The following PAPOLA variants were observed in gnomAD, a reference collection of about 807,000 sequenced individuals.
PAPOLA encodes poly(A) polymerase alpha.
Under a neutral mutation model 100.6 loss-of-function variants are expected in PAPOLA, and 15 were observed. The observed-to-expected ratio is 0.15, with a 90% confidence interval of 0.10 to 0.23. The LOEUF (loss-of-function observed/expected upper bound fraction) is 0.23, where lower values mean the gene tolerates loss of function less well. Ranked by LOEUF, PAPOLA falls within the 10% of genes least tolerant of loss-of-function variation. The pLI is 1.00. For missense variants in PAPOLA, 533 were observed against 884.2 expected (o/e 0.60, Z 5.04); for synonymous variants, 293 against 300.0 (o/e 0.98, Z 0.24).
intron 3 of PAPOLA, among the ~76,000 whole-genome samples, chr14:96,523,933 G>A (rs1898237282): frequency 6.7e-6 from 1 of 148,396 alleles, no homozygotes; most frequent in African/African-American, 2.5e-5. Flanking sequence ...GACAGAGCGA[G>A]ACTCTGTCTC....
intron 13 of PAPOLA, chr14:96,542,537 C>CT (rs1900078475): frequency 3.7e-6 from 2 of 544,342 alleles, no homozygotes; most frequent in Admixed American, 7.5e-5. Flanking sequence ...TTAAAGTGCA[C>CT]TTATAGCTTG....
chr14:96,544,559 T>C (rs1271611819), intron 15 of PAPOLA, among the ~76,000 whole-genome samples: 1 of 152,066 alleles, frequency 6.6e-6, no homozygotes, highest in Non-Finnish European at 1.5e-5. Context: ...TTCCTTTAAG[T>C]ATCATGTTGG....
intron 12 of PAPOLA, among the ~76,000 whole-genome samples, chr14:96,539,436 T>G (rs191969427): frequency 8.5e-5 from 13 of 152,260 alleles, no homozygotes; most frequent in Admixed American, 8.5e-4. Flanking sequence ...AGAGATTCAC[T>G]TAGAGAATTT....
intron 3 of PAPOLA, among the ~76,000 whole-genome samples, chr14:96,525,043 C>A (rs1178733732): frequency 6.6e-6 from 1 of 152,186 alleles, no homozygotes; most frequent in Admixed American, 6.5e-5. Context: ...TTCTCAATCA[C>A]AGTCTTCTTT....
In PAPOLA at chr14:96,539,313, C is replaced by A. The variant is rs112894762; in HGVS notation, c.1115+2253C>A. On this transcript the variant is annotated intron_variant, in intron 12 of 21. Transcript: ENST00000216277. Reference sequence around the variant, plus strand: ...AAAAGTTAAAAACAGGAAACTAAATCTTGGTCTTGAATTACGTAAACATAG... The same window carrying A: ...AAAAGTTAAAAACAGGAAACTAAATATTGGTCTTGAATTACGTAAACATAG... Among the ~76,000 whole-genome samples, 472 of 152,150 alleles carry A rather than the reference C, an allele frequency of 3.1e-3. 2 individuals carry two copies. The highest frequency in any genetic ancestry group is 0.01 in the African/African-American group (424 of 41,550).
intron 4 of PAPOLA, chr14:96,527,197 C>T (rs1898565398): frequency 2.2e-6 from 1 of 463,726 alleles, no homozygotes; most frequent in African/African-American, 2.0e-5. Context: ...TCTTTGGGCT[C>T]CCAGTTTACT....
chr14:96,560,733 AATAC>A, intron 20 of PAPOLA, 22 bp downstream of exon 20: 1 of 1,378,736 alleles, frequency 7.3e-7, no homozygotes, highest in South Asian at 1.2e-5. Context: ...TAGCCTTTAG[AATAC>A]ATACACAATT....
intron 17 of PAPOLA, among the ~76,000 whole-genome samples, chr14:96,554,964 G>T (rs896862951): frequency 3.3e-5 from 5 of 152,020 alleles, no homozygotes; most frequent in Non-Finnish European, 5.9e-5. Context: ...GTGGCTTTTG[G>T]TTGGTTGTTA....
chr14:96,562,556 G>A (rs764464672), intron 20 of PAPOLA: 7 of 253,704 alleles, frequency 2.8e-5, no homozygotes, highest in Admixed American at 2.0e-4. Flanking sequence ...AATGTCCCAA[G>A]TTGGAGCTGG....
chr14:96,542,273 A>G lies in PAPOLA; in HGVS notation c.1146A>G (p.Pro382=). 6.2e-7 allele frequency: 1 copy of G among 1,602,224 alleles called. No homozygotes were observed. Among genetic ancestry groups the G allele is most frequent in the Non-Finnish European group, 8.5e-7 (1 of 1,169,654 alleles). The change falls in exon 13 of 22, where the codon CCA becomes CCG. Residue 382 remains proline (P), a synonymous_variant. Coordinates refer to ENST00000216277, the MANE Select transcript of PAPOLA (RefSeq NM_032632.5). ...KHYIVLLASA[P]TEKQRLEWVG... is the part of the protein sequence containing the mutation. ...ATATTGTACTTCTAGCAAGTGCACC[A>G]ACAGAAAAACAACGCCTGGAATGGT...
At chr14:96,559,377 T>C (rs1005644039) in intron 19 of PAPOLA, among the ~76,000 whole-genome samples, 1 of 151,976 alleles carries the variant, frequency 6.6e-6, no homozygotes, top group African/African-American at 2.4e-5. Flanking sequence ...AATACTGGCC[T>C]CACTCAGTAA....
chr14:96,543,795 TC>T (rs1401164297), intron 14 of PAPOLA, among the ~76,000 whole-genome samples: 2 of 152,066 alleles, frequency 1.3e-5, no homozygotes, highest in East Asian at 3.8e-4. Flanking sequence ...TTTAGAAAAA[TC>T]CTTTTTTTCC....
Position 96,536,977 on chromosome 14 carries a change from T to C in PAPOLA, c.1032T>C (p.Gly344=). 6.4e-7 allele frequency: 1 copy of C among 1,568,072 alleles called. No homozygotes were observed. Among genetic ancestry groups the C allele is most frequent in the Non-Finnish European group, 8.8e-7 (1 of 1,138,448 alleles). The stretch of plus-strand genomic sequence containing the variant: ...CATTTTAATATGTTTTTAATTTAGG[T>C]CTTGCTATCACAGATGAAATTTTGC... ...RMVMVEEFKQ[G]LAITDEILLS... The change falls in exon 12 of 22, where the codon GGT becomes GGC. Residue 344 remains glycine, a splice_region_variant and synonymous_variant. Coordinates refer to ENST00000216277, the MANE Select transcript of PAPOLA (RefSeq NM_032632.5).
intron 1 of PAPOLA, among the ~76,000 whole-genome samples, chr14:96,514,474 C>A (rs1038824434): frequency 5.3e-5 from 8 of 152,172 alleles, no homozygotes; most frequent in African/African-American, 1.9e-4. Context: ...TGCCACCACG[C>A]CCAGCCTATT....
Position 96,502,573 on chromosome 14 carries a change from C to A in PAPOLA, c.-20C>A. 6.4e-7 allele frequency: 1 copy of A among 1,550,428 alleles called. No homozygotes were observed. Among genetic ancestry groups the A allele is most frequent in the African/African-American group, 1.4e-5 (1 of 71,564 alleles). On this transcript the variant is annotated 5_prime_UTR_variant, in exon 1 of 22. Coordinates refer to ENST00000216277, the MANE Select transcript of PAPOLA (RefSeq NM_032632.5). ...CGGTTGCGGGGGGGAAGTGACTGGG[C>A]GGTGCCGGCGCCGGAGACGATGCCG...
chr14:96,507,280 G>GTTTTTTGTTTTTTT (rs1413020909), intron 1 of PAPOLA, among the ~76,000 whole-genome samples: 3 of 80,718 alleles, frequency 3.7e-5, no homozygotes, highest in Admixed American at 1.7e-4. Flanking sequence ...TTGGAAAATA[G>GTTTTTTGTTTTTTT]TTTTTTTTTT....
At chr14:96,564,496 A>G (rs1378438329) in intron 21 of PAPOLA, among the ~76,000 whole-genome samples, 4 of 152,200 alleles carry the variant, frequency 2.6e-5, no homozygotes, top group South Asian at 2.1e-4. Context: ...AGCTGTATAT[A>G]TTTGTTTAAT....
At chr14:96,508,288 A>G (rs1896872900) in intron 1 of PAPOLA, among the ~76,000 whole-genome samples, 1 of 152,228 alleles carries the variant, frequency 6.6e-6, no homozygotes, top group Non-Finnish European at 1.5e-5. Flanking sequence ...ACAATATAGT[A>G]GATAACCTTT....
intron 20 of PAPOLA, among the ~76,000 whole-genome samples, chr14:96,561,589 G>A (rs1270901132): frequency 6.6e-6 from 1 of 152,110 alleles, no homozygotes; most frequent in Admixed American, 6.5e-5. Flanking sequence ...ATTTAAAAAA[G>A]AAAGTTGTGC....
Sources: allele counts gnomAD v4.1 joint callset (sites outside exome capture counted in the v4.1 genomes callset), GRCh38; gene constraint gnomAD v4.1.1; transcripts MANE v1.5; gene names NCBI Gene and HGNC (gene_info 2026-07-23, HGNC 2026-07-21).